CEP170: variants seen among roughly 807,000 people sequenced by gnomAD.
CEP170 encodes the protein centrosomal protein of 170 kDa.
CEP170 carries 21 observed loss-of-function variants against 151.9 expected under a neutral mutation model. That is an observed-to-expected ratio of 0.14 (90% CI 0.10 to 0.20). CEP170 has a LOEUF of 0.20. Among genes scored for constraint, CEP170 ranks in the 10% least tolerant of loss-of-function variants. The pLI is 1.00. For missense variants in CEP170, 964 were observed against 1,892.9 expected (o/e 0.51, Z 9.11); for synonymous variants, 356 against 648.8 (o/e 0.55, Z 6.86).
At chr1:243,147,964 T>G (rs1218470361) in intron 14 of CEP170, among the ~76,000 whole-genome samples, 7 of 152,046 alleles carry the variant, frequency 4.6e-5, no homozygotes, top group African/African-American at 1.7e-4. Context: ...GTGGATCACT[T>G]GAGGTCAGGA....
Position 243,165,029 on chromosome 1 carries a change from T to C in CEP170, c.2931A>G (p.Thr977=), listed in dbSNP as rs1333921739. ...CSTGSPSKDV[T]KSSSSGAREK... is the part of the protein sequence containing the mutation. ...CCCTAGCACCTGAAGATGATGATTT[T>C]GTAACATCTTTGGAAGGAGAACCTG... is the stretch of plus-strand genomic sequence containing the variant. Residue 977 remains threonine, a synonymous_variant, in exon 13 of 20, where the codon ACA becomes ACG. Transcript: ENST00000366542. 7 of 1,612,548 alleles carry C rather than the reference T, an allele frequency of 4.3e-6. No homozygotes were observed. Among genetic ancestry groups the C allele is most frequent in the Non-Finnish European group, 5.9e-6 (7 of 1,179,022 alleles).
chr1:243,138,282 G>A (rs2055377197), intron 16 of CEP170, among the ~76,000 whole-genome samples: 1 of 151,558 alleles, frequency 6.6e-6, no homozygotes, highest in Admixed American at 6.6e-5. Flanking sequence ...TAAGTTTAGA[G>A]AATAGGCTCT....
rs140494925 is a variant in CEP170 at position 243,181,052 on chromosome 1, T to C, written c.1566+4727A>G. Among the ~76,000 whole-genome samples, 116 of 152,316 alleles carry C rather than the reference T, an allele frequency of 7.6e-4. 1 individual carries two copies. Among genetic ancestry groups the C allele is most frequent in the African/African-American group, 2.7e-3 (112 of 41,574 alleles). ...TTCCTCAAGCCCTCCACAATGATCATTTTTTCTTGTTCCTTTAATGTTTAG... is the reference window on the plus strand; with the variant it reads ...TTCCTCAAGCCCTCCACAATGATCACTTTTTCTTGTTCCTTTAATGTTTAG... On this transcript the variant is annotated intron_variant, in intron 10 of 19. Coordinates refer to ENST00000366542, the MANE Select transcript of CEP170 (RefSeq NM_014812.3).
At chr1:243,229,187 G>T (rs919519704) in intron 1 of CEP170, among the ~76,000 whole-genome samples, 7 of 152,316 alleles carry the variant, frequency 4.6e-5, no homozygotes, top group East Asian at 3.9e-4. Flanking sequence ...CTCAACTCAG[G>T]TTCCGCTAAA....
At chr1:243,144,950 G>T (rs889550935) in intron 14 of CEP170, among the ~76,000 whole-genome samples, 6 of 152,084 alleles carry the variant, frequency 3.9e-5, no homozygotes, top group African/African-American at 1.4e-4. Context: ...AAATAAGTAT[G>T]CATTACTTAA....
chr1:243,249,475 TAAGA>T (rs1226421942), intron 1 of CEP170, among the ~76,000 whole-genome samples: 1 of 151,958 alleles, frequency 6.6e-6, no homozygotes, highest in East Asian at 1.9e-4. Context: ...GAAGAATACA[TAAGA>T]AATAATAAAA....
At chr1:243,214,291 T>TG in intron 3 of CEP170, among the ~76,000 whole-genome samples, 1 of 146,848 alleles carries the variant, frequency 6.8e-6, no homozygotes, top group East Asian at 2.0e-4. Flanking sequence ...TTTTTTTTTT[T>TG]TTTTTTTTTT....
chr1:243,143,328 G>C (rs2056096619), intron 14 of CEP170, among the ~76,000 whole-genome samples: 1 of 152,122 alleles, frequency 6.6e-6, no homozygotes, highest in Non-Finnish European at 1.5e-5. Flanking sequence ...CAATCTCAGA[G>C]AACCTGAATG....
intron 1 of CEP170, among the ~76,000 whole-genome samples, chr1:243,246,527 C>T (rs942730934): frequency 4.6e-5 from 7 of 152,036 alleles, no homozygotes; most frequent in South Asian, 2.1e-4. Flanking sequence ...CCACTGGGCC[C>T]GGCCTGTTGT....
chr1:243,153,336 C>T (rs2057283866), intron 14 of CEP170, among the ~76,000 whole-genome samples: 3 of 152,156 alleles, frequency 2.0e-5, no homozygotes, highest in Non-Finnish European at 4.4e-5. Flanking sequence ...AGTCGATAAG[C>T]CAGCGGCAGG....
intron 1 of CEP170, among the ~76,000 whole-genome samples, chr1:243,232,253 C>T (rs1380388492): frequency 6.6e-6 from 1 of 152,104 alleles, no homozygotes; most frequent in Non-Finnish European, 1.5e-5. Context: ...GTGTGAGCCC[C>T]CATGCCTGGC....
At chr1:243,154,856 G>A (rs2057409734) in intron 14 of CEP170, among the ~76,000 whole-genome samples, 1 of 152,168 alleles carries the variant, frequency 6.6e-6, no homozygotes, top group African/African-American at 2.4e-5. Context: ...CTAGTTTGGG[G>A]TAGAGGGAGC....
At chr1:243,189,608 G>C (rs1262748347) in intron 8 of CEP170, among the ~76,000 whole-genome samples, 3 of 150,864 alleles carry the variant, frequency 2.0e-5, no homozygotes, top group Non-Finnish European at 4.4e-5. Flanking sequence ...ATAGAAAATA[G>C]TTATAATGAC....
chr1:243,233,885 A>T (rs182614858), intron 1 of CEP170, among the ~76,000 whole-genome samples: 294 of 152,130 alleles, frequency 1.9e-3, no homozygotes, highest in African/African-American at 6.8e-3. Context: ...AAGTAAGTGC[A>T]CTTGATATAT....
At position 243,125,635 on chromosome 1, in the gene CEP170, G is replaced by A. The variant is rs1299957428; in HGVS notation, c.*814C>T. The A allele has an allele frequency of 1.3e-5, 2 of 154,856 alleles. No homozygotes were observed. The highest frequency in any genetic ancestry group is 4.9e-5 in the African/African-American group (2 of 41,102). 9.6% of individuals were successfully genotyped at this position (154,856 alleles called of 1,614,324 possible). A position where few individuals can be genotyped will look rare whatever the true frequency, so the allele number is the denominator to read the frequency against. ...CTAGTTATCATTTAACCTAAAATGA[G>A]AGACCAAATCTTATTTCCATTAAAA... On this transcript the variant is annotated 3_prime_UTR_variant, in exon 20 of 20. Coordinates refer to ENST00000366542, the MANE Select transcript of CEP170 (RefSeq NM_014812.3).
intron 14 of CEP170, among the ~76,000 whole-genome samples, chr1:243,147,835 T>G (rs2148377817): frequency 6.6e-6 from 1 of 152,314 alleles, no homozygotes; most frequent in African/African-American, 2.4e-5. Context: ...ATTTGGAATC[T>G]TAAGCATTTA....
At chr1:243,205,906 A>G (rs567088173) in intron 4 of CEP170, among the ~76,000 whole-genome samples, 2 of 152,036 alleles carry the variant, frequency 1.3e-5, no homozygotes, top group African/African-American at 2.4e-5. Flanking sequence ...ACCCCAAGGG[A>G]GGAACAAAAA....
intron 14 of CEP170, among the ~76,000 whole-genome samples, chr1:243,154,755 G>T (rs2057401528): frequency 6.6e-6 from 1 of 152,146 alleles, no homozygotes; most frequent in Non-Finnish European, 1.5e-5. Flanking sequence ...ACAGTGTATA[G>T]CCCTTATTCC....
intron 1 of CEP170, among the ~76,000 whole-genome samples, chr1:243,252,502 A>G (rs1258216622): frequency 6.6e-6 from 1 of 152,184 alleles, no homozygotes; most frequent in Non-Finnish European, 1.5e-5. Context: ...CAGTAGATAA[A>G]AAGGAACAAG....
Sources: gnomAD v4.1 joint callset for allele counts (sites outside exome capture counted in the v4.1 genomes callset) on GRCh38, gnomAD v4.1.1 for gene constraint, MANE v1.5 for transcripts, NCBI Gene and HGNC (gene_info 2026-07-23, HGNC 2026-07-21) for gene names.